The following LRRC37A2 variants were observed in gnomAD, a reference collection of about 807,000 sequenced individuals.
LRRC37A2 encodes leucine rich repeat containing 37 member A2, also known as leucine-rich repeat-containing protein 37A2.
Under a neutral mutation model 68.8 loss-of-function variants are expected in LRRC37A2, and 9 were observed. That is an observed-to-expected ratio of 0.13 (90% CI 0.08 to 0.23). The LOEUF (loss-of-function observed/expected upper bound fraction) is 0.23. Ranked by LOEUF, LRRC37A2 falls within the 10% of genes least tolerant of loss-of-function variation. The pLI is 1.00. For missense variants in LRRC37A2, 168 were observed against 950.4 expected, an observed-to-expected ratio of 0.18 and a Z score of 10.82; for synonymous variants, 63 against 367.6, an observed-to-expected ratio of 0.17 and a Z score of 9.48.
chr17:46,568,942 C>CTT, the LRRC37A2 span, among the ~76,000 whole-genome samples: 11 of 71,168 alleles, frequency 1.5e-4, no homozygotes, highest in Non-Finnish European at 2.1e-4. Context: ...TTTTTTTTCT[C>CTT]TTTTTTTTTT....
the LRRC37A2 span, among the ~76,000 whole-genome samples, chr17:46,883,847 G>A: frequency 6.6e-6 from 1 of 152,162 alleles, no homozygotes; most frequent in Non-Finnish European, 1.5e-5. Flanking sequence ...CAAAGAGGAG[G>A]TTAATGCCTC....
chr17:46,827,459 G>C, the LRRC37A2 span, among the ~76,000 whole-genome samples: 3 of 152,178 alleles, frequency 2.0e-5, no homozygotes, highest in Non-Finnish European at 2.9e-5. Flanking sequence ...TATGAGGAAA[G>C]CTGCCTGAAG....
chr17:46,940,067 G>A, the LRRC37A2 span: 1 of 1,087,880 alleles, frequency 9.2e-7, no homozygotes, highest in Non-Finnish European at 1.1e-6. Flanking sequence ...GTTTCTTGTT[G>A]CTTGAACTGT....
At chr17:46,548,856 A>G (rs1410310126) in exon 10 of LRRC37A2, 2 of 1,612,486 alleles carry the variant, frequency 1.2e-6, no homozygotes, top group Non-Finnish European at 1.7e-6. Context: ...CCTTCACCCA[A>G]GAGCATAAGG....
the LRRC37A2 span, among the ~76,000 whole-genome samples, chr17:46,733,979 C>T: frequency 6.6e-6 from 1 of 152,202 alleles, no homozygotes. Flanking sequence ...AAGAAACTGT[C>T]AGCATTCTCA....
At chr17:46,530,476 C>A (rs918894284) in intron 6 of LRRC37A2, among the ~76,000 whole-genome samples, 4 of 134,306 alleles carry the variant, frequency 3.0e-5, no homozygotes, top group African/African-American at 1.2e-4. Flanking sequence ...GATCACAAGG[C>A]AGGACAAGCT....
chr17:46,968,138 C>T, the LRRC37A2 span, among the ~76,000 whole-genome samples: 1 of 152,124 alleles, frequency 6.6e-6, no homozygotes, highest in African/African-American at 2.4e-5. Flanking sequence ...TCCTTCTCTT[C>T]AGCTCCAACA....
At chr17:46,490,052 A>G in the LRRC37A2 span, among the ~76,000 whole-genome samples, 4 of 150,848 alleles carry the variant, frequency 2.7e-5, no homozygotes, top group South Asian at 8.3e-4. Context: ...TGGACCATAG[A>G]GAAGTCATTC....
At chr17:47,020,486 T>C in the LRRC37A2 span, among the ~76,000 whole-genome samples, 12 of 150,704 alleles carry the variant, frequency 8.0e-5, no homozygotes, top group East Asian at 1.6e-3. Context: ...ACGAAAATGA[T>C]AGGAGGGAAG....
the LRRC37A2 span, among the ~76,000 whole-genome samples, chr17:46,448,954 AT>A: frequency 1.5e-5 from 1 of 64,734 alleles, no homozygotes; most frequent in African/African-American, 7.2e-5. Context: ...TGATTTTTGT[AT>A]TTTTGTGTTT....
At chr17:47,018,361 AT>A in the LRRC37A2 span, 6 of 1,610,928 alleles carry the variant, frequency 3.7e-6, no homozygotes, top group South Asian at 6.6e-5. Flanking sequence ...CTAGAACATC[AT>A]GAAGTCACAG....
chr17:46,866,450 G>A, the LRRC37A2 span, among the ~76,000 whole-genome samples: 1 of 152,170 alleles, frequency 6.6e-6, no homozygotes, highest in African/African-American at 2.4e-5. Flanking sequence ...ATGTGGATGT[G>A]TGTGTGAGGG....
the LRRC37A2 span, among the ~76,000 whole-genome samples, chr17:46,821,883 A>G: frequency 6.6e-6 from 1 of 152,144 alleles, no homozygotes; most frequent in Non-Finnish European, 1.5e-5. Flanking sequence ...CGTGTAGACA[A>G]AGAATCCGGT....
At chr17:46,855,985 G>A in the LRRC37A2 span, among the ~76,000 whole-genome samples, 8 of 152,052 alleles carry the variant, frequency 5.3e-5, no homozygotes, top group Non-Finnish European at 8.8e-5. Context: ...CACCATGCCC[G>A]GCCCCCAGTC....
chr17:46,747,485 A>G, the LRRC37A2 span, among the ~76,000 whole-genome samples: 1 of 152,032 alleles, frequency 6.6e-6, no homozygotes, highest in Non-Finnish European at 1.5e-5. Context: ...TCGCCATGTT[A>G]CCTAGACAAG....
chr17:47,001,613 A>G, the LRRC37A2 span, among the ~76,000 whole-genome samples: 1 of 151,982 alleles, frequency 6.6e-6, no homozygotes, highest in Non-Finnish European at 1.5e-5. Context: ...CATCCTCCCA[A>G]AAAATTTCCT....
chr17:46,492,352 CAGT>C, the LRRC37A2 span, among the ~76,000 whole-genome samples: 1 of 150,936 alleles, frequency 6.6e-6, no homozygotes, highest in Non-Finnish European at 1.5e-5. Flanking sequence ...GTTGTTGTAT[CAGT>C]AGTTTCTTTA....
At chr17:46,967,658 C>T in the LRRC37A2 span, among the ~76,000 whole-genome samples, 5 of 152,050 alleles carry the variant, frequency 3.3e-5, no homozygotes, top group Admixed American at 6.6e-5. Flanking sequence ...GGAAATGGGC[C>T]GGTGCAGAGG....
At chr17:46,784,114 C>T in the LRRC37A2 span, among the ~76,000 whole-genome samples, 12 of 152,148 alleles carry the variant, frequency 7.9e-5, no homozygotes, top group Admixed American at 5.9e-4. Flanking sequence ...GGGATGGGCC[C>T]GCTGGTCATC....
Sources: gnomAD v4.1 joint callset for allele counts (sites outside exome capture counted in the v4.1 genomes callset) on GRCh38, gnomAD v4.1.1 for gene constraint, MANE v1.5 for transcripts, NCBI Gene and HGNC (gene_info 2026-07-23, HGNC 2026-07-21) for gene names.